Variants in PTPRO observed in about 807,000 individuals in gnomAD.
The protein encoded by PTPRO is protein tyrosine phosphatase receptor type O.
A neutral mutation model predicts 145.2 loss-of-function variants in PTPRO; 62 were observed. The observed-to-expected ratio is 0.43, with a 90% CI of 0.35 to 0.53. The LOEUF (loss-of-function observed/expected upper bound fraction) is 0.53, where lower values mean the gene tolerates loss of function less well. Among genes scored for constraint, PTPRO ranks in the 20% least tolerant of loss-of-function variants. The pLI is 0.01. For synonymous variants in PTPRO, 565 were observed against 514.7 expected (o/e 1.10, Z -1.32); for missense variants, 1,345 against 1,482.7 (o/e 0.91, Z 1.53).
chr12:15,544,301 G>C (rs570650648), intron 12 of PTPRO, among the ~76,000 whole-genome samples: 1 of 151,768 alleles, frequency 6.6e-6, no homozygotes, highest in Non-Finnish European at 1.5e-5. Flanking sequence ...TCAGGAGATC[G>C]AGACCATCCT....
At chr12:15,558,780 T>A (rs1943703278) in intron 16 of PTPRO, among the ~76,000 whole-genome samples, 2 of 152,274 alleles carry the variant, frequency 1.3e-5, no homozygotes, top group African/African-American at 4.8e-5. Context: ...GGATATAAAT[T>A]TTACTTCCCT....
intron 12 of PTPRO, among the ~76,000 whole-genome samples, chr12:15,539,400 T>C (rs1943132386): frequency 6.6e-6 from 1 of 152,172 alleles, no homozygotes; most frequent in Non-Finnish European, 1.5e-5. Flanking sequence ...CTTAAGGTAC[T>C]AAAACTATCA....
intron 26 of PTPRO, 69 bp downstream of exon 26, chr12:15,595,126 A>C (rs2135683228): frequency 9.9e-7 from 1 of 1,013,278 alleles, no homozygotes; most frequent in South Asian, 1.3e-5. Flanking sequence ...GATGGATGGG[A>C]CAAAAGACAG....
At chr12:15,588,521 G>A (rs75064173) in intron 24 of PTPRO, among the ~76,000 whole-genome samples, 1 of 152,146 alleles carries the variant, frequency 6.6e-6, no homozygotes, top group Non-Finnish European at 1.5e-5. Flanking sequence ...GGGATTGGGG[G>A]ACTGGCTGAG....
intron 1 of PTPRO, among the ~76,000 whole-genome samples, chr12:15,363,908 G>T (rs1323934215): frequency 1.3e-5 from 2 of 152,094 alleles, no homozygotes; most frequent in African/African-American, 4.8e-5. Context: ...TAAAAGCTTA[G>T]ATACTAGCTG....
At chr12:15,418,889 T>C (rs1429091755) in intron 1 of PTPRO, among the ~76,000 whole-genome samples, 1 of 151,742 alleles carries the variant, frequency 6.6e-6, no homozygotes, top group East Asian at 1.9e-4. Context: ...AGTCCTTCCT[T>C]GCCTGTTTCC....
At chr12:15,430,859 AAATG>A (rs1229626286) in intron 1 of PTPRO, among the ~76,000 whole-genome samples, 1 of 152,186 alleles carries the variant, frequency 6.6e-6, no homozygotes, top group East Asian at 1.9e-4. Flanking sequence ...AATTAAAAGT[AAATG>A]AATGAATGAA....
At chr12:15,468,344 C>T (rs987038762) in intron 1 of PTPRO, among the ~76,000 whole-genome samples, 5 of 152,228 alleles carry the variant, frequency 3.3e-5, no homozygotes, top group African/African-American at 1.2e-4. Flanking sequence ...CTTCCCATCG[C>T]CTTTAGCATA....
chr12:15,583,218 A>T (rs1944358305), intron 23 of PTPRO, among the ~76,000 whole-genome samples: 1 of 152,218 alleles, frequency 6.6e-6, no homozygotes, highest in South Asian at 2.1e-4. Context: ...ATGGTGGTTC[A>T]TGCCTGTAAT....
intron 1 of PTPRO, chr12:15,439,852 G>C: frequency 3.2e-6 from 2 of 627,592 alleles, no homozygotes; most frequent in East Asian, 3.0e-5. Context: ...TGAAGATTAT[G>C]ATGGTGCAGA....
chr12:15,500,486 C>T (rs1438007061), intron 4 of PTPRO, among the ~76,000 whole-genome samples: 2 of 152,186 alleles, frequency 1.3e-5, no homozygotes, highest in African/African-American at 4.8e-5. Flanking sequence ...AAGACAAAGA[C>T]TGATGAGACA....
intron 8 of PTPRO, among the ~76,000 whole-genome samples, chr12:15,515,912 G>A (rs183039777): frequency 4.6e-5 from 7 of 151,686 alleles, no homozygotes; most frequent in Admixed American, 3.3e-4. Flanking sequence ...AGCTACTTGG[G>A]AGGCTGAGGT....
At position 15,406,155 on chromosome 12, in the gene PTPRO, C is replaced by T. The variant is rs142507039; in HGVS notation, c.76-77819C>T. Among the ~76,000 whole-genome samples, 1,133 of 152,244 alleles carry T rather than the reference C, an allele frequency of 7.4e-3. 10 individuals carry two copies. The highest frequency in any genetic ancestry group is 0.026 in the African/African-American group (1,065 of 41,552). The stretch of plus-strand genomic sequence containing the variant: ...AGTCATCAGAGTCCATTGTTGTATT[C>T]TTATAACCATACTTCACTATCTCAG... On this transcript the variant is annotated intron_variant, in intron 1 of 26. Transcript: ENST00000281171.
Position 15,343,606 on chromosome 12 carries a change from T to C in PTPRO, c.75+20805T>C, listed in dbSNP as rs557483050. 3.9e-5 allele frequency among the ~76,000 whole-genome samples: 6 copies of C among 152,252 alleles called. No homozygotes were observed. The East Asian group carries it at 9.7e-4, about 25-fold the overall frequency. ...CAGAGGCTGAGATGGGAGAATCGCT[T>C]GAGCACAGGAAGTCGGGGTTGCAGT... is the stretch of plus-strand genomic sequence containing the variant. On this transcript the variant is annotated intron_variant, in intron 1 of 26. Coordinates refer to ENST00000281171, the MANE Select transcript of PTPRO (RefSeq NM_030667.3).
chr12:15,551,486 T>C, intron 14 of PTPRO, 65 bp from the exon 15 acceptor site: 16 of 1,587,816 alleles, frequency 1.0e-5, no homozygotes, highest in Non-Finnish European at 1.4e-5. Context: ...TGAAAAGCAA[T>C]GAATGGTTCT....
intron 1 of PTPRO, among the ~76,000 whole-genome samples, chr12:15,330,402 TAA>T (rs975115673): frequency 5.9e-5 from 9 of 152,138 alleles, no homozygotes; most frequent in African/African-American, 1.9e-4. Context: ...GGTCTCAAGA[TAA>T]CATGTGTGCT....
At chr12:15,422,782 GA>G (rs1940182432) in intron 1 of PTPRO, among the ~76,000 whole-genome samples, 1 of 152,098 alleles carries the variant, frequency 6.6e-6, no homozygotes, top group Non-Finnish European at 1.5e-5. Flanking sequence ...TAAATATTTT[GA>G]AAAGGGTAAA....
At chr12:15,574,289 G>A (rs1315336196) in intron 19 of PTPRO, among the ~76,000 whole-genome samples, 1 of 152,166 alleles carries the variant, frequency 6.6e-6, no homozygotes, top group African/African-American at 2.4e-5. Context: ...TCCTTTAAAA[G>A]TCTTGGGACC....
chr12:15,478,821 G>A lies in PTPRO; in HGVS notation c.76-5153G>A, dbSNP rs565022507. 3.3e-5 allele frequency among the ~76,000 whole-genome samples: 5 copies of A among 152,004 alleles called. No homozygotes were observed. The South Asian group carries it at 1.0e-3, about 32-fold the overall frequency. ...CGAGTAGCTGGGACTACAGGTGCCC[G>A]CCACCACGCCCGGGTAATTTTTTGT... On this transcript the variant is annotated intron_variant, in intron 1 of 26. Transcript: ENST00000281171.
Sources: allele counts gnomAD v4.1 joint callset (sites outside exome capture counted in the v4.1 genomes callset), GRCh38; gene constraint gnomAD v4.1.1; transcripts MANE v1.5; gene names NCBI Gene and HGNC (gene_info 2026-07-23, HGNC 2026-07-21).